PAQR3: variants seen among roughly 807,000 people sequenced by gnomAD.
PAQR3 encodes Raf kinase trapping to Golgi.
In PAQR3, 39 loss-of-function variants were observed where a neutral mutation model predicts 41.7. The observed-to-expected ratio is 0.93, with a 90% CI of 0.72 to 1.22. The LOEUF (loss-of-function observed/expected upper bound fraction) is 1.22. Among genes scored for constraint, PAQR3 ranks in the 50% most tolerant of loss-of-function variants. The pLI is 0.00. For synonymous variants in PAQR3, 140 were observed against 140.6 expected (o/e 1.00, Z 0.03); for missense variants, 366 against 385.6 (o/e 0.95, Z 0.42).
chr4:78,909,053 GTCT>G (rs1734431304), downstream of PAQR3, among the ~76,000 whole-genome samples: 3 of 122,838 alleles, frequency 2.4e-5, no homozygotes, highest in Non-Finnish European at 3.4e-5. Context: ...CCTTCCCTTA[GTCT>G]TTTTTTTTTT....
At chr4:78,895,012 T>C (rs532458531) in intron 11 of PAQR3, among the ~76,000 whole-genome samples, 11 of 152,268 alleles carry the variant, frequency 7.2e-5, no homozygotes, top group Middle Eastern at 6.8e-3. Context: ...TGCTGTCTTA[T>C]ATGGGCTCAG....
At position 78,916,527 on chromosome 4, in the gene PAQR3, GA is replaced by G. The variant is rs1735086911; in HGVS notation, c.*4011del. ...CTAAGATTAGATCCCTATTCTTAAG[GA>G]GCTCAGAGTTTACAATTTAGGTAAG... On this transcript the variant is annotated 3_prime_UTR_variant, in exon 6 of 6. Transcript: ENST00000512733. 1 of 151,746 alleles carries G rather than the reference GA, an allele frequency of 6.6e-6. No homozygotes were observed. The highest frequency in any genetic ancestry group is 6.6e-5 in the Admixed American group (1 of 15,160). The allele number at this position is 151,746 out of a possible 1,614,324, so 9.4% of individuals were successfully genotyped here.
chr4:78,890,981 T>C (rs1018251881), intron 11 of PAQR3, among the ~76,000 whole-genome samples: 1 of 152,152 alleles, frequency 6.6e-6, no homozygotes, highest in Non-Finnish European at 1.5e-5. Flanking sequence ...GATTGCTTGC[T>C]TGAGGCCAAG....
At chr4:78,893,368 C>G (rs1733541836) in intron 11 of PAQR3, among the ~76,000 whole-genome samples, 1 of 152,178 alleles carries the variant, frequency 6.6e-6, no homozygotes, top group African/African-American at 2.4e-5. Context: ...TTAAACCCTT[C>G]AAAATCATCC....
exon 13 of PAQR3, chr4:78,887,155 T>C: frequency 6.8e-7 from 1 of 1,465,842 alleles, no homozygotes; most frequent in Non-Finnish European, 9.4e-7. Flanking sequence ...TTTTATTTCG[T>C]TTCATCTTAT....
chr4:78,928,355 AC>A (rs1225543804), intron 3 of PAQR3, among the ~76,000 whole-genome samples: 2 of 152,220 alleles, frequency 1.3e-5, no homozygotes, highest in Non-Finnish European at 2.9e-5. Context: ...TCAATTTACA[AC>A]AAGGTTACCT....
intron 5 of PAQR3, 79 bp downstream of exon 5, chr4:78,923,778 A>T: frequency 1.1e-6 from 1 of 907,538 alleles, no homozygotes; most frequent in Non-Finnish European, 1.8e-6. Flanking sequence ...AATGAAACTA[A>T]GTTTTGATGC....
chr4:78,925,625 T>C (rs1299114575), intron 4 of PAQR3, among the ~76,000 whole-genome samples: 2 of 152,164 alleles, frequency 1.3e-5, no homozygotes, highest in Admixed American at 1.3e-4. Context: ...GGCCCACTAA[T>C]GGTCCCTCCT....
At chr4:78,911,675 A>G, downstream of PAQR3, 1 of 1,613,910 alleles carries the variant, frequency 6.2e-7, no homozygotes, top group Non-Finnish European at 8.5e-7. Flanking sequence ...GACTCCAAGG[A>G]GAACATTAGT....
rs774777431 is a variant in PAQR3 at position 78,912,041 on chromosome 4, T to C, written c.*8498A>G. The C allele has an allele frequency of 6.3e-6, 10 of 1,579,056 alleles. No individual in the cohort carries two copies. The highest frequency in any genetic ancestry group is 8.6e-6 in the Non-Finnish European group (10 of 1,161,446). On this transcript the variant is annotated 3_prime_UTR_variant, in exon 6 of 6. Transcript: ENST00000512733. ...TTTCCTTCTAAACAGTAGATACTTC[T>C]GATGGATTCTCGGCATTAACTCCTG...
chr4:78,923,794 T>G (rs1263043722), intron 5 of PAQR3, 63 bp downstream of exon 5: 1 of 1,012,936 alleles, frequency 9.9e-7, no homozygotes, highest in African/African-American at 1.6e-5. Context: ...GATGCTCTGA[T>G]GCATATACCT....
chr4:78,904,837 T>C (rs983638900), intron 11 of PAQR3, among the ~76,000 whole-genome samples: 2 of 151,894 alleles, frequency 1.3e-5, no homozygotes, highest in African/African-American at 2.4e-5. Context: ...TTATTATATA[T>C]TGTGAAAGTC....
At chr4:78,927,072 C>T (rs1366061614) in intron 3 of PAQR3, among the ~76,000 whole-genome samples, 4 of 152,070 alleles carry the variant, frequency 2.6e-5, no homozygotes, top group Non-Finnish European at 5.9e-5. Flanking sequence ...AGAATGTGAA[C>T]AAAAGATTAT....
chr4:78,907,089 C>T (rs1197734146), downstream of PAQR3, among the ~76,000 whole-genome samples: 1 of 151,948 alleles, frequency 6.6e-6, no homozygotes, highest in Non-Finnish European at 1.5e-5. Flanking sequence ...CTAGAAACAA[C>T]CTAAATATTC....
chr4:78,931,999 A>T (rs1736956546), intron 2 of PAQR3, among the ~76,000 whole-genome samples: 1 of 152,218 alleles, frequency 6.6e-6, no homozygotes, highest in Non-Finnish European at 1.5e-5. Flanking sequence ...AAACACTGAG[A>T]CAGTGACAGT....
In PAQR3 at chr4:78,929,896, T is replaced by C. The variant is rs1736661326; in HGVS notation, c.504+274A>G. Among the ~76,000 whole-genome samples, 2 of 152,290 alleles carry C rather than the reference T, an allele frequency of 1.3e-5. 1 individual carries two copies. Among genetic ancestry groups the C allele is most frequent in the South Asian group, 4.1e-4 (2 of 4,826 alleles). ...GAGGAACCACGCAGCCATATAGATT[T>C]AGTGAAAACATTAATAATTTAATGT... On this transcript the variant is annotated intron_variant, in intron 3 of 5. Transcript: ENST00000512733.
chr4:78,895,553 T>TA (rs561465214), intron 11 of PAQR3, among the ~76,000 whole-genome samples: 9 of 143,872 alleles, frequency 6.3e-5, no homozygotes, highest in South Asian at 2.2e-4. Flanking sequence ...AACTGACACC[T>TA]AAAAAAAAAA....
At chr4:78,921,549 T>TAAAA (rs534101248) in intron 5 of PAQR3, 1 of 657,910 alleles carries the variant, frequency 1.5e-6, no homozygotes, top group African/African-American at 2.0e-5. Flanking sequence ...CCCATTTTTT[T>TAAAA]AAAAAACAAA....
chr4:78,910,702 A>G, downstream of PAQR3: 1 of 1,612,448 alleles, frequency 6.2e-7, no homozygotes, highest in East Asian at 2.2e-5. Flanking sequence ...TCCAGCATCT[A>G]AAGATCAGCG....
Sources: allele counts gnomAD v4.1 joint callset (sites outside exome capture counted in the v4.1 genomes callset), GRCh38; gene constraint gnomAD v4.1.1; transcripts MANE v1.5; gene names NCBI Gene and HGNC (gene_info 2026-07-23, HGNC 2026-07-21).